TENM3: variants seen among roughly 807,000 people sequenced by gnomAD.
TENM3 encodes the protein teneurin-3.
A neutral mutation model predicts 255.1 loss-of-function variants in TENM3; 63 were observed. That is an observed-to-expected ratio of 0.25 (90% CI 0.20 to 0.30). TENM3 has a LOEUF of 0.30. TENM3 is among the 10% of genes least tolerant of loss of function. The pLI is 1.00. For synonymous variants in TENM3, 1,306 were observed against 1,322.3 expected, an observed-to-expected ratio of 0.99 and a Z score of 0.27; for missense variants, 2,929 against 3,461.1, an observed-to-expected ratio of 0.85 and a Z score of 3.86.
chr4:182,099,983 T>C, the TENM3 span, among the ~76,000 whole-genome samples: 74 of 152,238 alleles, frequency 4.9e-4, no homozygotes, highest in African/African-American at 1.7e-3. Context: ...CCGCAAGACT[T>C]GATCCACAGT....
At chr4:182,422,211 G>GTT (rs371149856) in intron 3 of TENM3, among the ~76,000 whole-genome samples, 6 of 151,222 alleles carry the variant, frequency 4.0e-5, no homozygotes, top group East Asian at 1.9e-4. Flanking sequence ...TTTTTTCACT[G>GTT]TTTTTTTTTA....
chr4:182,120,353 T>C, the TENM3 span, among the ~76,000 whole-genome samples: 2 of 152,220 alleles, frequency 1.3e-5, no homozygotes, highest in South Asian at 4.1e-4. Flanking sequence ...AATTGCTCTC[T>C]GTGATGTTTA....
intron 3 of TENM3, among the ~76,000 whole-genome samples, chr4:182,444,356 C>T (rs552777783): frequency 2.1e-4 from 32 of 152,152 alleles, no homozygotes; most frequent in Middle Eastern, 6.8e-3. Flanking sequence ...AACTAATGTA[C>T]CATTATTATT....
chr4:182,410,267 G>T (rs1044159267), intron 3 of TENM3, among the ~76,000 whole-genome samples: 2 of 152,274 alleles, frequency 1.3e-5, no homozygotes, highest in Non-Finnish European at 2.9e-5. Flanking sequence ...ATGTGGTTAA[G>T]TGTATAATCA....
chr4:181,858,041 TA>T, the TENM3 span, among the ~76,000 whole-genome samples: 2 of 152,176 alleles, frequency 1.3e-5, no homozygotes, highest in Admixed American at 1.3e-4. Flanking sequence ...TCTAAATATC[TA>T]GAGTATTTTT....
the TENM3 span, among the ~76,000 whole-genome samples, chr4:181,568,728 A>G: frequency 6.6e-6 from 1 of 152,190 alleles, no homozygotes; most frequent in Non-Finnish European, 1.5e-5. Context: ...CTGGCTTAAT[A>G]GACTGTCCCA....
chr4:182,730,829 G>A lies in TENM3; in HGVS notation c.2706-49G>A, dbSNP rs770344467. 16 of 1,598,530 alleles carry A rather than the reference G, an allele frequency of 1.0e-5. No homozygotes were observed. In the Middle Eastern group the frequency reaches 1.7e-3, roughly 166 times the overall value. On this transcript the variant is annotated intron_variant, in intron 15 of 27. Coordinates refer to ENST00000511685, the MANE Select transcript of TENM3 (RefSeq NM_001080477.4). ...TAACTTAAGGAGGTGTGTATTGGTAGTTATGTGGGATCCAGACAATTCACT... is the reference window on the plus strand; with the variant it reads ...TAACTTAAGGAGGTGTGTATTGGTAATTATGTGGGATCCAGACAATTCACT...
At chr4:182,470,750 G>A (rs1733041653) in intron 3 of TENM3, among the ~76,000 whole-genome samples, 1 of 152,118 alleles carries the variant, frequency 6.6e-6, no homozygotes, top group Non-Finnish European at 1.5e-5. Flanking sequence ...TGGGAATGTG[G>A]GAATGGGTCT....
chr4:181,677,110 T>C, the TENM3 span, among the ~76,000 whole-genome samples: 1 of 151,974 alleles, frequency 6.6e-6, no homozygotes, highest in Non-Finnish European at 1.5e-5. Flanking sequence ...CATTTTAATA[T>C]TGTTTCCCAT....
At chr4:182,336,910 T>C (rs760243840) in intron 2 of TENM3, among the ~76,000 whole-genome samples, 9 of 149,890 alleles carry the variant, frequency 6.0e-5, no homozygotes, top group African/African-American at 2.2e-4. Flanking sequence ...TAAACTGATA[T>C]GGTTGGGAGA....
chr4:182,795,289 C>T (rs1179860926), intron 26 of TENM3, among the ~76,000 whole-genome samples: 7 of 152,140 alleles, frequency 4.6e-5, no homozygotes, highest in East Asian at 1.9e-4. Flanking sequence ...TCAATACTTA[C>T]GGTCCTCTGA....
chr4:182,457,558 C>T lies in TENM3; in HGVS notation c.511+110629C>T, dbSNP rs564053915. Among the ~76,000 whole-genome samples, 1,080 of 115,214 alleles carry T rather than the reference C, an allele frequency of 9.4e-3. 13 individuals are homozygous for T. Among genetic ancestry groups the T allele is most frequent in the African/African-American group, 0.031 (995 of 32,446 alleles). The allele number at this position is 115,214 out of a possible 152,430, so 75.6% of individuals were successfully genotyped here. A position where few individuals can be genotyped will look rare whatever the true frequency, so the allele number is the denominator to read the frequency against. On this transcript the variant is annotated intron_variant, in intron 3 of 27. Transcript: ENST00000511685. The stretch of plus-strand genomic sequence containing the variant: ...ATGCAAATACCTAAATCATGTATAT[C>T]TTTTTTTTTTTTTTTTTGAGGATAG...
At chr4:182,772,918 C>T (rs561589860) in intron 22 of TENM3, among the ~76,000 whole-genome samples, 1 of 152,076 alleles carries the variant, frequency 6.6e-6, no homozygotes, top group African/African-American at 2.4e-5. Context: ...TCTAATTTAC[C>T]ATTATGAAGT....
the TENM3 span, among the ~76,000 whole-genome samples, chr4:181,619,873 T>C: frequency 6.6e-6 from 1 of 152,168 alleles, no homozygotes; most frequent in Non-Finnish European, 1.5e-5. Flanking sequence ...AAAATCCCCG[T>C]CAACAGCCGT....
chr4:181,548,564 A>C, the TENM3 span, among the ~76,000 whole-genome samples: 1 of 152,132 alleles, frequency 6.6e-6, no homozygotes, highest in Non-Finnish European at 1.5e-5. Context: ...ATTAACTGAG[A>C]GGTGTTCTCA....
chr4:182,081,508 C>T, the TENM3 span, among the ~76,000 whole-genome samples: 15 of 145,034 alleles, frequency 1.0e-4, 1 homozygote, highest in African/African-American at 3.9e-4. Context: ...CGCTTAAACC[C>T]GGGAGGCGGA....
chr4:181,570,579 GAGAAAAAGAA>G, the TENM3 span, among the ~76,000 whole-genome samples: 12 of 139,946 alleles, frequency 8.6e-5, no homozygotes, highest in African/African-American at 3.3e-4. Flanking sequence ...AAGGAAAAGA[GAGAAAAAGAA>G]AGAAAAAGAG....
chr4:182,703,570 A>G (rs1354948244), intron 12 of TENM3, among the ~76,000 whole-genome samples: 1 of 152,264 alleles, frequency 6.6e-6, no homozygotes, highest in Non-Finnish European at 1.5e-5. Flanking sequence ...AAGTGTATAC[A>G]AGTGGTAAAC....
the TENM3 span, among the ~76,000 whole-genome samples, chr4:181,612,382 C>T: frequency 6.6e-6 from 1 of 152,200 alleles, no homozygotes; most frequent in Non-Finnish European, 1.5e-5. Context: ...TGTTTCAGCC[C>T]AGGGGGGAAA....
Sources: allele counts gnomAD v4.1 joint callset (sites outside exome capture counted in the v4.1 genomes callset), GRCh38; gene constraint gnomAD v4.1.1; transcripts MANE v1.5; gene names NCBI Gene and HGNC (gene_info 2026-07-23, HGNC 2026-07-21).